The following THEMIS variants were observed in gnomAD, a reference collection of about 807,000 sequenced individuals.
The protein encoded by THEMIS is thymocyte selection associated.
A neutral mutation model predicts 52.6 loss-of-function variants in THEMIS; 37 were observed. The observed-to-expected ratio is 0.70, with a 90% CI of 0.54 to 0.93. THEMIS has a LOEUF of 0.93. Ranked by LOEUF, THEMIS falls within the 40% of genes least tolerant of loss-of-function variation. The pLI is 0.00. For missense variants in THEMIS, 808 were observed against 763.1 expected (o/e 1.06, Z -0.69); for synonymous variants, 292 against 272.7 (o/e 1.07, Z -0.70).
intron 4 of THEMIS, among the ~76,000 whole-genome samples, chr6:127,766,842 G>A (rs144824094): frequency 1.0e-3 from 156 of 152,282 alleles, no homozygotes; most frequent in African/African-American, 3.4e-3. Context: ...TGCTTTGGAT[G>A]AGTCAGTGAG....
chr6:127,706,236 C>T (rs1773795792), downstream of THEMIS, among the ~76,000 whole-genome samples: 1 of 151,850 alleles, frequency 6.6e-6, no homozygotes, highest in African/African-American at 2.4e-5. Flanking sequence ...AATAAAAACA[C>T]ATAAATGCAT....
chr6:127,830,789 A>G (rs181162275), intron 2 of THEMIS, among the ~76,000 whole-genome samples: 25 of 152,342 alleles, frequency 1.6e-4, no homozygotes, highest in Admixed American at 9.1e-4. Context: ...ACTTAAAGCC[A>G]CTGAACTGTA....
chr6:127,868,103 C>T (rs6907915), intron 1 of THEMIS, among the ~76,000 whole-genome samples: 2,196 of 152,232 alleles, frequency 0.014, 56 homozygotes, highest in African/African-American at 0.05. Context: ...GCCTCAACTT[C>T]GTTATCTTTA....
At chr6:127,815,142 A>G (rs193132224) in intron 3 of THEMIS, among the ~76,000 whole-genome samples, 1 of 152,060 alleles carries the variant, frequency 6.6e-6, no homozygotes, top group African/African-American at 2.4e-5. Context: ...ACAGAGTGAG[A>G]CCCTGTCTCA....
chr6:127,752,779 C>A (rs564548811), intron 4 of THEMIS, among the ~76,000 whole-genome samples: 3 of 151,774 alleles, frequency 2.0e-5, no homozygotes, highest in Non-Finnish European at 4.4e-5. Context: ...TCTTCTCAAA[C>A]TCTTCTAAAA....
At chr6:127,915,977 A>G (rs1008934824) in intron 1 of THEMIS, among the ~76,000 whole-genome samples, 2 of 152,016 alleles carry the variant, frequency 1.3e-5, no homozygotes, top group African/African-American at 4.8e-5. Context: ...ACAGAGCACC[A>G]CTCCGTCTCA....
chr6:127,782,243 G>A (rs906675779), intron 4 of THEMIS, among the ~76,000 whole-genome samples: 13 of 152,160 alleles, frequency 8.5e-5, no homozygotes, highest in African/African-American at 2.9e-4. Context: ...CTCCATGGGG[G>A]TGGGATGCAC....
intron 4 of THEMIS, among the ~76,000 whole-genome samples, chr6:127,791,082 G>T (rs181969855): frequency 6.6e-6 from 1 of 152,306 alleles, no homozygotes; most frequent in Non-Finnish European, 1.5e-5. Flanking sequence ...GGCAAGCAGG[G>T]GGTGTATTTC....
chr6:127,745,320 C>T (rs145694931), intron 4 of THEMIS, among the ~76,000 whole-genome samples: 1 of 151,750 alleles, frequency 6.6e-6, no homozygotes, highest in Admixed American at 6.6e-5. Flanking sequence ...AAATTAGAAA[C>T]AACCATTAAA....
At chr6:127,727,604 A>G (rs1774595499) in intron 4 of THEMIS, among the ~76,000 whole-genome samples, 1 of 152,142 alleles carries the variant, frequency 6.6e-6, no homozygotes, top group African/African-American at 2.4e-5. Flanking sequence ...ATGAGTCTTT[A>G]AAAGGTAAAT....
At chr6:127,734,608 C>A (rs778148894) in intron 4 of THEMIS, among the ~76,000 whole-genome samples, 31 of 151,932 alleles carry the variant, frequency 2.0e-4, no homozygotes, top group Non-Finnish European at 4.0e-4. Flanking sequence ...CTGTGGCTCA[C>A]GCCTGTAATC....
intron 4 of THEMIS, among the ~76,000 whole-genome samples, chr6:127,774,610 A>G (rs966036822): frequency 3.3e-5 from 5 of 152,188 alleles, no homozygotes; most frequent in African/African-American, 4.8e-5. Context: ...CATATGTACT[A>G]TGGTAGAACT....
At chr6:127,859,483 A>G (rs1301178292) in intron 1 of THEMIS, among the ~76,000 whole-genome samples, 1 of 151,016 alleles carries the variant, frequency 6.6e-6, no homozygotes, top group Admixed American at 6.6e-5. Flanking sequence ...CACAGCTAGT[A>G]AAACAGTTTT....
intron 4 of THEMIS, among the ~76,000 whole-genome samples, chr6:127,795,907 T>G (rs1583287119): frequency 6.6e-6 from 1 of 152,252 alleles, no homozygotes; most frequent in South Asian, 2.1e-4. Context: ...GAGTAAAAAG[T>G]TGAGAAACTG....
intron 2 of THEMIS, among the ~76,000 whole-genome samples, chr6:127,831,267 T>G (rs975611084): frequency 1.3e-5 from 2 of 152,170 alleles, no homozygotes; most frequent in Non-Finnish European, 2.9e-5. Context: ...GTCTAAGTGG[T>G]TCTGTTTGAT....
intron 4 of THEMIS, among the ~76,000 whole-genome samples, chr6:127,783,242 C>G (rs1270220846): frequency 1.3e-5 from 2 of 152,122 alleles, no homozygotes; most frequent in Non-Finnish European, 2.9e-5. Flanking sequence ...ATTAACTCAA[C>G]ATGGATTAAA....
chr6:127,713,832 TA>T (rs1311308691), intron 5 of THEMIS, among the ~76,000 whole-genome samples: 1 of 151,690 alleles, frequency 6.6e-6, no homozygotes, highest in Non-Finnish European at 1.5e-5. Context: ...CACTGGAGGA[TA>T]TTGAGGAGAG....
chr6:127,896,197 C>T (rs925358473), intron 1 of THEMIS, among the ~76,000 whole-genome samples: 2 of 151,182 alleles, frequency 1.3e-5, no homozygotes, highest in Non-Finnish European at 3.0e-5. Context: ...CTGAAAATTG[C>T]TCTCAGTGGT....
chr6:127,857,639 C>T (rs1779661791), intron 1 of THEMIS, among the ~76,000 whole-genome samples: 1 of 152,006 alleles, frequency 6.6e-6, no homozygotes, highest in African/African-American at 2.4e-5. Context: ...GTCATTTGTA[C>T]TCTAAGTGTT....
Sources: allele counts gnomAD v4.1 joint callset (sites outside exome capture counted in the v4.1 genomes callset), GRCh38; gene constraint gnomAD v4.1.1; transcripts MANE v1.5; gene names NCBI Gene and HGNC (gene_info 2026-07-23, HGNC 2026-07-21).